The following AK4 variants were observed in gnomAD, a reference collection of about 807,000 sequenced individuals.
AK4 encodes adenylate kinase 4.
A neutral mutation model predicts 24.6 loss-of-function variants in AK4; 13 were observed. The observed-to-expected ratio is 0.53, with a 90% CI of 0.34 to 0.84. The LOEUF is 0.84. Among genes scored for constraint, AK4 ranks in the 40% least tolerant of loss-of-function variants. The pLI is 0.01. For missense variants in AK4, 192 were observed against 288.2 expected, an observed-to-expected ratio of 0.67 and a Z score of 2.42; for synonymous variants, 88 against 107.0, an observed-to-expected ratio of 0.82 and a Z score of 1.10.
intron 3 of AK4, among the ~76,000 whole-genome samples, chr1:65,220,613 T>A (rs944417634): frequency 3.3e-5 from 5 of 152,174 alleles, no homozygotes; most frequent in Admixed American, 3.3e-4. Flanking sequence ...GTAGCTGGGA[T>A]TACAGGCATG....
intron 1 of AK4, 66 bp from the exon 2 acceptor site, chr1:65,190,644 G>A (rs1261429639): frequency 6.4e-7 from 1 of 1,559,378 alleles, no homozygotes; most frequent in South Asian, 1.2e-5. Flanking sequence ...GCAAAACTAA[G>A]AGTTGGTAAG....
At chr1:65,159,860 C>T (rs746021633) in intron 1 of AK4, among the ~76,000 whole-genome samples, 1 of 150,510 alleles carries the variant, frequency 6.6e-6, no homozygotes, top group East Asian at 2.0e-4. Context: ...CCCAGCTACT[C>T]GAGAGGCTGA....
chr1:65,195,357 C>G (rs533925846), intron 2 of AK4, among the ~76,000 whole-genome samples: 4 of 152,214 alleles, frequency 2.6e-5, no homozygotes, highest in African/African-American at 9.6e-5. Flanking sequence ...ACTATAGCAC[C>G]CCCCAGTGCT....
At chr1:65,204,111 TTCTAGA>T (rs1243582611) in intron 2 of AK4, among the ~76,000 whole-genome samples, 1 of 152,162 alleles carries the variant, frequency 6.6e-6, no homozygotes, top group Non-Finnish European at 1.5e-5. Flanking sequence ...AAAAGCATCA[TTCTAGA>T]TACCTCTCTG....
rs542848818 is a variant in AK4 at position 65,197,634 on chromosome 1, T to C, written c.265+6805T>C. On this transcript the variant is annotated intron_variant, in intron 2 of 4. Coordinates refer to ENST00000327299, the MANE Select transcript of AK4 (RefSeq NM_013410.4). ...GTTTGTGTCTATTTTCCCTGAGAGCTAAATGATTTCAGACTTGAGATGTTC... is the reference window on the plus strand; with the variant it reads ...GTTTGTGTCTATTTTCCCTGAGAGCCAAATGATTTCAGACTTGAGATGTTC... Among the ~76,000 whole-genome samples the C allele has an allele frequency of 4.6e-5, 7 of 152,350 alleles. No individual in the cohort carries two copies. In the East Asian group the frequency reaches 1.2e-3, roughly 25 times the overall value.
intron 2 of AK4, among the ~76,000 whole-genome samples, chr1:65,206,013 G>T (rs1028769849): frequency 6.7e-6 from 1 of 150,014 alleles, no homozygotes; most frequent in Non-Finnish European, 1.5e-5. Flanking sequence ...CGTGTGGATC[G>T]CTGGATACAG....
chr1:65,166,505 T>C (rs550761107), intron 1 of AK4, among the ~76,000 whole-genome samples: 1 of 152,180 alleles, frequency 6.6e-6, no homozygotes, highest in East Asian at 1.9e-4. Flanking sequence ...TTTGGAAGAC[T>C]CCTTGAATCC....
At chr1:65,208,405 G>A (rs887502774) in intron 2 of AK4, among the ~76,000 whole-genome samples, 1 of 152,164 alleles carries the variant, frequency 6.6e-6, no homozygotes, top group Non-Finnish European at 1.5e-5. Context: ...GCTTCCAGTT[G>A]GTGATGTGAG....
chr1:65,184,405 C>CA (rs1411729139), intron 1 of AK4, among the ~76,000 whole-genome samples: 1 of 152,126 alleles, frequency 6.6e-6, no homozygotes, highest in Non-Finnish European at 1.5e-5. Context: ...ATCTTATAAA[C>CA]ACATGATGGA....
intron 1 of AK4, among the ~76,000 whole-genome samples, chr1:65,184,890 T>C (rs1044004788): frequency 2.0e-5 from 3 of 152,210 alleles, no homozygotes; most frequent in African/African-American, 2.4e-5. Flanking sequence ...TTTGATCTTG[T>C]ATCAGGTTAG....
chr1:65,170,682 T>A (rs919570420), intron 1 of AK4, among the ~76,000 whole-genome samples: 2 of 152,136 alleles, frequency 1.3e-5, no homozygotes, highest in African/African-American at 2.4e-5. Flanking sequence ...AGGAACTCAC[T>A]GTGGTGTTTC....
At chr1:65,189,672 CACA>C (rs1651227941) in intron 1 of AK4, among the ~76,000 whole-genome samples, 1 of 139,724 alleles carries the variant, frequency 7.2e-6, no homozygotes, top group Non-Finnish European at 1.5e-5. Flanking sequence ...CACACACACA[CACA>C]CACCCCACAC....
At chr1:65,215,665 T>C (rs752233124) in intron 2 of AK4, among the ~76,000 whole-genome samples, 4 of 152,206 alleles carry the variant, frequency 2.6e-5, no homozygotes, top group Non-Finnish European at 5.9e-5. Flanking sequence ...GAGAGTCCAG[T>C]AGGTAGCAGG....
In AK4 at chr1:65,172,722, A is replaced by C. The variant is rs372615790; in HGVS notation, c.146-17988A>C. Among the ~76,000 whole-genome samples, 4 of 152,128 alleles carry C rather than the reference A, an allele frequency of 2.6e-5. No individual in the cohort carries two copies. The East Asian group carries it at 5.8e-4, about 22-fold the overall frequency. On this transcript the variant is annotated intron_variant, in intron 1 of 4. Coordinates refer to ENST00000327299, the MANE Select transcript of AK4 (RefSeq NM_013410.4). ...AATCTGGCAGAGTTTGAGGTTTCTTATTGGGTAATTTTATCAGCTCGTTCT... is the reference window on the plus strand; with the variant it reads ...AATCTGGCAGAGTTTGAGGTTTCTTCTTGGGTAATTTTATCAGCTCGTTCT...
intron 1 of AK4, among the ~76,000 whole-genome samples, chr1:65,167,915 C>T (rs7524037): frequency 2.0e-4 from 30 of 152,260 alleles, no homozygotes; most frequent in East Asian, 3.9e-4. Flanking sequence ...AAATTAAATC[C>T]GCTAGCTCTT....
chr1:65,218,268 G>GT (rs1652190541), intron 2 of AK4, among the ~76,000 whole-genome samples: 2 of 144,978 alleles, frequency 1.4e-5, no homozygotes, highest in African/African-American at 5.5e-5. Flanking sequence ...AAGATAAAAT[G>GT]CTTTCCCTTC....
intron 1 of AK4, among the ~76,000 whole-genome samples, chr1:65,151,212 C>T (rs1649761136): frequency 6.6e-6 from 1 of 152,042 alleles, no homozygotes. Context: ...GATGATCCAC[C>T]CGTCTTGGCC....
At chr1:65,202,500 T>A (rs1163860345) in intron 2 of AK4, among the ~76,000 whole-genome samples, 2 of 152,228 alleles carry the variant, frequency 1.3e-5, no homozygotes, top group Non-Finnish European at 2.9e-5. Context: ...TGGGTGTGTC[T>A]TGACTTACAT....
chr1:65,189,176 C>G (rs952252764), intron 1 of AK4, among the ~76,000 whole-genome samples: 11 of 151,974 alleles, frequency 7.2e-5, no homozygotes, highest in Non-Finnish European at 1.6e-4. Flanking sequence ...CTCAGGTGAT[C>G]CGCCTGCCTC....
Sources: allele counts gnomAD v4.1 joint callset (sites outside exome capture counted in the v4.1 genomes callset), GRCh38; gene constraint gnomAD v4.1.1; transcripts MANE v1.5; gene names NCBI Gene and HGNC (gene_info 2026-07-23, HGNC 2026-07-21).